HM13: variants seen among roughly 807,000 people sequenced by gnomAD.
HM13 encodes histocompatibility minor 13.
HM13 carries 18 observed loss-of-function variants against 50.0 expected under a neutral mutation model. The ratio of observed to expected loss-of-function variants is 0.36; its 90% CI spans 0.25 to 0.53. The LOEUF is 0.53. Ranked by LOEUF, HM13 falls within the 20% of genes least tolerant of loss-of-function variation. The pLI is 0.90. For missense variants in HM13, 393 were observed against 552.4 expected, an observed-to-expected ratio of 0.71 and a Z score of 2.89; for synonymous variants, 197 against 232.6, an observed-to-expected ratio of 0.85 and a Z score of 1.39.
chr20:31,539,210 G>C, intron 3 of HM13: 1 of 985,432 alleles, frequency 1.0e-6, no homozygotes, highest in Non-Finnish European at 1.2e-6. Flanking sequence ...CAAACAGTTG[G>C]CAACCTTGCC....
intron 2 of HM13, among the ~76,000 whole-genome samples, chr20:31,537,377 G>C (rs1280718873): frequency 6.6e-6 from 1 of 152,250 alleles, no homozygotes; most frequent in East Asian, 1.9e-4. Flanking sequence ...TTCCAGTAAG[G>C]GAGTGACATG....
chr20:31,541,551 G>T (rs569222160), intron 3 of HM13: 1 of 151,818 alleles, frequency 6.6e-6, no homozygotes, highest in East Asian at 1.9e-4. Context: ...ACCATATGGG[G>T]TTAAAGCTGG....
At position 31,569,191 on chromosome 20, in the gene HM13, C is replaced by T; in HGVS notation, c.1253C>T (p.Ser418Leu). 6.3e-7 allele frequency: 1 copy of T among 1,598,784 alleles called. No homozygotes were observed. Among genetic ancestry groups the T allele is most frequent in the Non-Finnish European group, 8.5e-7 (1 of 1,172,100 alleles). Residue 418 changes from serine (S) to leucine (L), a missense_variant, in exon 13 of 13, where the codon TCG becomes TTG. Transcript: ENST00000398174. ...ESKEGTEASA[S>L]KGLEKKEK is the part of the protein sequence containing the mutation. ...AAAGAGGGAACAGAGGCATCAGCAT[C>T]GAAGGGGCTGGAGAAGAAAGAGAAA...
At chr20:31,536,606 A>G (rs1347732511) in intron 2 of HM13, among the ~76,000 whole-genome samples, 1 of 152,098 alleles carries the variant, frequency 6.6e-6, no homozygotes, top group Non-Finnish European at 1.5e-5. Flanking sequence ...AGACTTTCCC[A>G]TGGCACTGCA....
intron 12 of HM13, 81 bp downstream of exon 12, chr20:31,568,305 T>C (rs2122678028): frequency 1.3e-6 from 2 of 1,545,094 alleles, no homozygotes; most frequent in Non-Finnish European, 1.7e-6. Context: ...GCAGCTCCAG[T>C]GCATAGGGCA....
intron 4 of HM13, chr20:31,548,667 C>A (rs1983854115): frequency 6.2e-6 from 2 of 320,620 alleles, no homozygotes; most frequent in Non-Finnish European, 1.2e-5. Context: ...CTGTTATCCC[C>A]TTTTTACAGA....
At chr20:31,533,274 G>A (rs551700068) in intron 2 of HM13, among the ~76,000 whole-genome samples, 79 of 152,308 alleles carry the variant, frequency 5.2e-4, no homozygotes, top group Admixed American at 2.3e-3. Flanking sequence ...AGGCCGAGGC[G>A]GGCAGATCAC....
At position 31,527,604 on chromosome 20, in the gene HM13, G is replaced by A. The variant is rs374234663; in HGVS notation, c.282+22G>A. 2,206 of 1,501,280 alleles carry A rather than the reference G, an allele frequency of 1.5e-3. 5 individuals carry two copies. The highest frequency in any genetic ancestry group is 1.9e-3 in the Non-Finnish European group (2,099 of 1,079,740). 93.0% of individuals were successfully genotyped at this position (1,501,280 alleles called of 1,614,324 possible). A position where few individuals can be genotyped will look rare whatever the true frequency, so the allele number is the denominator to read the frequency against. On this transcript the variant is annotated intron_variant, in intron 2 of 12. Coordinates refer to ENST00000398174, the MANE Select transcript of HM13 (RefSeq NM_178581.3). ...CAAAGTAAGTCTTTTGCCACCTGTT[G>A]TGTCATTTGATCTAAATGACTTTAT...
chr20:31,524,871 A>G (rs1228880666), intron 1 of HM13, among the ~76,000 whole-genome samples: 2 of 151,548 alleles, frequency 1.3e-5, no homozygotes, highest in Non-Finnish European at 2.9e-5. Context: ...CCGCCACCAC[A>G]TCTGGCTAAT....
chr20:31,539,632 A>G (rs1983320510), intron 3 of HM13: 4 of 343,188 alleles, frequency 1.2e-5, no homozygotes, highest in Admixed American at 6.5e-5. Context: ...CGTCTCTACT[A>G]AAAATACAAA....
At chr20:31,519,332 C>T (rs1174890475) in intron 1 of HM13, among the ~76,000 whole-genome samples, 2 of 152,212 alleles carry the variant, frequency 1.3e-5, no homozygotes, top group South Asian at 2.1e-4. Context: ...AACTCCTGAC[C>T]TCAGGTGATC....
rs59609145 is a variant in HM13 at position 31,533,620 on chromosome 20, C to T, written c.283-4559C>T. On this transcript the variant is annotated intron_variant, in intron 2 of 12. Transcript: ENST00000398174. ...GCCAGTGTGATAAGGCTGGTCCCTGCGACAAGTTCCCTTTCTTGCCCTCCT... is the reference window on the plus strand; with the variant it reads ...GCCAGTGTGATAAGGCTGGTCCCTGTGACAAGTTCCCTTTCTTGCCCTCCT... Among the ~76,000 whole-genome samples the T allele has an allele frequency of 9.4e-3, 1,430 of 152,344 alleles. 18 individuals carry two copies. The highest frequency in any genetic ancestry group is 0.033 in the African/African-American group (1,354 of 41,576).
chr20:31,527,272 A>T (rs2122558772), intron 1 of HM13, among the ~76,000 whole-genome samples: 2 of 152,084 alleles, frequency 1.3e-5, no homozygotes, highest in South Asian at 4.1e-4. Flanking sequence ...CAGGAAGCGG[A>T]GGCTGTAGTG....
At chr20:31,561,593 A>AT (rs1725787106) in intron 9 of HM13, 41 bp from the exon 10 acceptor site, 1 of 1,361,136 alleles carries the variant, frequency 7.3e-7, no homozygotes, top group African/African-American at 1.4e-5. Context: ...TTCAGTCCCT[A>AT]TATCTAACCC....
chr20:31,561,591 C>G (rs769190544), intron 9 of HM13, 43 bp from the exon 10 acceptor site: 1 of 1,351,618 alleles, frequency 7.4e-7, no homozygotes, highest in Non-Finnish European at 1.1e-6. Flanking sequence ...AGTTCAGTCC[C>G]TATATCTAAC....
rs745957755 is a variant in HM13, at chr20:31,549,129, C to A, written c.540+15C>A. ...TGCTGAGGAAGGTGAGTAGTCAGGA[C>A]CTGGGCAGAAGGGGAGGATGGGGTT... On this transcript the variant is annotated intron_variant, in intron 5 of 12. Transcript: ENST00000398174. 1.1e-5 allele frequency: 17 copies of A among 1,613,722 alleles called. No individual in the cohort carries two copies. The highest frequency in any genetic ancestry group is 1.4e-5 in the Non-Finnish European group (17 of 1,179,766).
intron 10 of HM13, among the ~76,000 whole-genome samples, chr20:31,564,586 A>T (rs1244847922): frequency 1.3e-5 from 2 of 152,212 alleles, no homozygotes; most frequent in Admixed American, 6.5e-5. Flanking sequence ...CAAAAAAAAA[A>T]AAATTGCTGA....
chr20:31,547,543 T>G (rs1983798719), intron 4 of HM13: 1 of 899,452 alleles, frequency 1.1e-6, no homozygotes. Context: ...TGTGTCCAAC[T>G]GCATCCAGTT....
At chr20:31,532,546 T>C (rs1982882292) in intron 2 of HM13, among the ~76,000 whole-genome samples, 1 of 151,818 alleles carries the variant, frequency 6.6e-6, no homozygotes, top group East Asian at 1.9e-4. Flanking sequence ...AATATCCACC[T>C]CCATTTCCCA....
Sources: allele counts gnomAD v4.1 joint callset (sites outside exome capture counted in the v4.1 genomes callset), GRCh38; gene constraint gnomAD v4.1.1; transcripts MANE v1.5; gene names NCBI Gene and HGNC (gene_info 2026-07-23, HGNC 2026-07-21).